The following KCNQ1 variants were observed in gnomAD, a reference collection of about 807,000 sequenced individuals.
KCNQ1 encodes the protein potassium voltage-gated channel subfamily KQT member 1.
Under a neutral mutation model 72.4 loss-of-function variants are expected in KCNQ1, and 49 were observed. That is an observed-to-expected ratio of 0.68 (90% confidence interval 0.54 to 0.86). The LOEUF is 0.86. KCNQ1 is among the 40% of genes least tolerant of loss of function. KCNQ1 has a pLI of 0.00. For missense variants in KCNQ1, 790 were observed against 945.1 expected (o/e 0.84, Z 2.15); for synonymous variants, 450 against 412.6 (o/e 1.09, Z -1.10).
chr11:2,807,773 G>A (rs561058145), intron 15 of KCNQ1, among the ~76,000 whole-genome samples: 14 of 146,996 alleles, frequency 9.5e-5, no homozygotes, highest in South Asian at 2.2e-4. Flanking sequence ...GGCCTCTTCC[G>A]ACCTCTCTCT....
rs1239990597 is a variant in KCNQ1, at chr11:2,468,384, C to G, written c.386+22900C>G. Reference sequence around the variant, plus strand: ...CTAGTCTCAAGCTCCTGAGCTCAAGCGATCTGCCTGCCTCAGCCTCCCAAA... The same window carrying G: ...CTAGTCTCAAGCTCCTGAGCTCAAGGGATCTGCCTGCCTCAGCCTCCCAAA... On this transcript the variant is annotated intron_variant, in intron 1 of 15. Coordinates refer to ENST00000155840, the MANE Select transcript of KCNQ1 (RefSeq NM_000218.3). This position sits in a 1 kb window ranked among gnomAD's most constrained non-coding sequence, Gnocchi z 5.7. Among the ~76,000 whole-genome samples, 1 of 152,160 alleles carries G rather than the reference C, an allele frequency of 6.6e-6. No individual in the cohort carries two copies. Among genetic ancestry groups the G allele is most frequent in the Non-Finnish European group, 1.5e-5 (1 of 68,020 alleles).
intron 10 of KCNQ1, chr11:2,655,270 C>T: frequency 2.5e-6 from 1 of 398,580 alleles, no homozygotes; most frequent in Non-Finnish European, 4.4e-6. Context: ...TCCTAGAAAA[C>T]AAAATTGTTT....
chr11:2,736,186 G>A (rs1253763681), intron 11 of KCNQ1, among the ~76,000 whole-genome samples: 3 of 152,182 alleles, frequency 2.0e-5, no homozygotes, highest in Non-Finnish European at 4.4e-5. Context: ...TTTACCCTGT[G>A]CTCCCAAATC....
rs1456989889 is a variant in KCNQ1 at position 2,847,897 on chromosome 11, G to T, written c.1925G>T (p.Cys642Phe). The T allele has an allele frequency of 6.3e-6, 10 of 1,579,518 alleles. No individual in the cohort carries two copies. Among genetic ancestry groups the T allele is most frequent in the Non-Finnish European group, 8.6e-6 (10 of 1,162,964 alleles). Residue 642 changes from cysteine (C) to phenylalanine (F), a missense_variant, in exon 16 of 16, where the codon TGC becomes TTC. Physicochemically the swap from Cys to Phe is radical, Grantham distance 205 (BLOSUM62 -2). This residue lies in a region of KCNQ1 where 94 missense variants were observed against 85.2 expected (regional missense o/e 1.10). Transcript: ENST00000155840. ...REGGAHITQP[C>F]GSGGSVDPEL... ...GGCGGGGCCCACATCACCCAGCCCT[G>T]CGGCAGTGGCGGCTCCGTCGACCCT...
chr11:2,656,251 A>G (rs1383179656), intron 10 of KCNQ1: 3 of 398,542 alleles, frequency 7.5e-6, no homozygotes, highest in Non-Finnish European at 1.3e-5. Flanking sequence ...TGCATTATAT[A>G]ACCTAGGGTA....
rs1221603686 is a variant in KCNQ1, at chr11:2,457,818, A to G, written c.386+12334A>G. On this transcript the variant is annotated intron_variant, in intron 1 of 15. Coordinates refer to ENST00000155840, the MANE Select transcript of KCNQ1 (RefSeq NM_000218.3). The surrounding 1 kb of genome is among the most constrained non-coding windows in gnomAD (Gnocchi z 5.0). ...ATGGAAACTTTTGGCATGGGAGAAAAAAAAAAAAAACAGATGTAAGTTAGA... is the reference window on the plus strand; with the variant it reads ...ATGGAAACTTTTGGCATGGGAGAAAGAAAAAAAAAACAGATGTAAGTTAGA... Among the ~76,000 whole-genome samples, 3 of 152,060 alleles carry G rather than the reference A, an allele frequency of 2.0e-5. No homozygotes were observed. The highest frequency in any genetic ancestry group is 7.2e-5 in the African/African-American group (3 of 41,394).
At chr11:2,530,129 G>A (rs1405120302) in intron 2 of KCNQ1, among the ~76,000 whole-genome samples, 1 of 152,122 alleles carries the variant, frequency 6.6e-6, no homozygotes, top group Non-Finnish European at 1.5e-5. Flanking sequence ...GTTGGGGTGA[G>A]GCCGTCCTTC....
At chr11:2,587,207 C>G (rs1438795855) in intron 8 of KCNQ1, among the ~76,000 whole-genome samples, 1 of 152,218 alleles carries the variant, frequency 6.6e-6, no homozygotes, top group Non-Finnish European at 1.5e-5. Context: ...GCATTGGTCT[C>G]CTATGCACGC....
intron 11 of KCNQ1, among the ~76,000 whole-genome samples, chr11:2,714,655 G>A (rs1450735054): frequency 6.6e-6 from 1 of 152,144 alleles, no homozygotes; most frequent in Non-Finnish European, 1.5e-5. Context: ...CCAGGTGGCG[G>A]ACATAGCACC....
rs1849272198 is a variant in KCNQ1, at chr11:2,626,995, T to A, written c.1394-34966T>A. On this transcript the variant is annotated intron_variant, in intron 10 of 15. Coordinates refer to ENST00000155840, the MANE Select transcript of KCNQ1 (RefSeq NM_000218.3). The surrounding 1 kb of genome is among the most constrained non-coding windows in gnomAD (Gnocchi z 4.0). ...GATTTTTATTGGGATTACCTTGGAT[T>A]TGTAGATTGTTTTGTGTGGTACTGA... 1 of 398,590 alleles carries A rather than the reference T, an allele frequency of 2.5e-6. No homozygotes were observed. The highest frequency in any genetic ancestry group is 3.6e-5 in the East Asian group (1 of 28,072). 24.7% of individuals were successfully genotyped at this position (398,590 alleles called of 1,614,324 possible).
In KCNQ1 at chr11:2,619,055, A is replaced by T. The variant is rs116484854; in HGVS notation, c.1393+30201A>T. 3.1e-3 allele frequency: 1,248 copies of T among 398,464 alleles called. 18 individuals are homozygous for T. Among genetic ancestry groups the T allele is most frequent in the African/African-American group, 0.023 (1,113 of 48,732 alleles). The allele number at this position is 398,464 out of a possible 1,614,324, so 24.7% of individuals were successfully genotyped here. A position where few individuals can be genotyped will look rare whatever the true frequency, so the allele number is the denominator to read the frequency against. On this transcript the variant is annotated intron_variant, in intron 10 of 15. Transcript: ENST00000155840. Reference sequence around the variant, plus strand: ...TACAACTTTACTGAACTCATTTATTAGTTCTAACAGGTTGCTTTGTCAGAG... The same window carrying T: ...TACAACTTTACTGAACTCATTTATTTGTTCTAACAGGTTGCTTTGTCAGAG...
chr11:2,582,735 C>T (rs1165927826), intron 6 of KCNQ1, among the ~76,000 whole-genome samples: 1 of 152,210 alleles, frequency 6.6e-6, no homozygotes, highest in Non-Finnish European at 1.5e-5. Context: ...CTGAAGAACC[C>T]AGCAGGCAGC....
chr11:2,628,896 G>C (rs1446111446), intron 10 of KCNQ1: 2 of 397,948 alleles, frequency 5.0e-6, no homozygotes, highest in Admixed American at 4.4e-5. Context: ...GTGTACTCTT[G>C]GTGTCTTTGT....
chr11:2,738,096 G>C (rs1845988962), intron 11 of KCNQ1, among the ~76,000 whole-genome samples: 1 of 152,160 alleles, frequency 6.6e-6, no homozygotes. Flanking sequence ...TGGGCCTGTG[G>C]TCAGGGCAGG....
At chr11:2,597,947 C>G (rs1451032157) in intron 10 of KCNQ1, among the ~76,000 whole-genome samples, 1 of 151,912 alleles carries the variant, frequency 6.6e-6, no homozygotes, top group African/African-American at 2.4e-5. Context: ...TATGCCTGAA[C>G]TTTTGTGGTT....
rs1250366433 is a variant in KCNQ1, at chr11:2,652,701, CTT to C, written c.1394-9258_1394-9257del. ...GTTGTGTGGGTGGCTGTGTTGCTCT[CTT>C]TCCGTTTCCTGGGCTCACTCACGCT... is the stretch of plus-strand genomic sequence containing the variant. On this transcript the variant is annotated intron_variant, in intron 10 of 15. Coordinates refer to ENST00000155840, the MANE Select transcript of KCNQ1 (RefSeq NM_000218.3). This position sits in a 1 kb window ranked among gnomAD's most constrained non-coding sequence, Gnocchi z 5.9. 4 of 398,806 alleles carry C rather than the reference CTT, an allele frequency of 1.0e-5. No individual in the cohort carries two copies. The highest frequency in any genetic ancestry group is 6.2e-5 in the African/African-American group (3 of 48,652). 24.7% of individuals were successfully genotyped at this position (398,806 alleles called of 1,614,324 possible).
chr11:2,616,960 T>G lies in KCNQ1; in HGVS notation c.1393+28106T>G, dbSNP rs1020602324. On this transcript the variant is annotated intron_variant, in intron 10 of 15. Coordinates refer to ENST00000155840, the MANE Select transcript of KCNQ1 (RefSeq NM_000218.3). ...TCTGTCTGGCTGTACATTATCTTGT[T>G]GTGTTTTTTTTTTTTAATTTTAAAA... The G allele has an allele frequency of 1.7e-4, 60 of 350,410 alleles. 1 individual carries two copies. The highest frequency in any genetic ancestry group is 1.0e-3 in the African/African-American group (37 of 36,812). The allele number at this position is 350,410 out of a possible 1,614,324, so 21.7% of individuals were successfully genotyped here.
Position 2,678,705 on chromosome 11 carries a change from A to C in KCNQ1, c.1514+16624A>C. 2.5e-6 allele frequency: 1 copy of C among 398,620 alleles called. No homozygotes were observed. Among genetic ancestry groups the C allele is most frequent in the Non-Finnish European group, 4.4e-6 (1 of 226,050 alleles). The allele number at this position is 398,620 out of a possible 1,614,324, so 24.7% of individuals were successfully genotyped here. A position where few individuals can be genotyped will look rare whatever the true frequency, so the allele number is the denominator to read the frequency against. On this transcript the variant is annotated intron_variant, in intron 11 of 15. Coordinates refer to ENST00000155840, the MANE Select transcript of KCNQ1 (RefSeq NM_000218.3). The surrounding 1 kb of genome is among the most constrained non-coding windows in gnomAD (Gnocchi z 4.9). ...CATGGCCTAAGATCTAAACACTCTTAAGATTTAAACACAGGATTAGCTCTT... is the reference window on the plus strand; with the variant it reads ...CATGGCCTAAGATCTAAACACTCTTCAGATTTAAACACAGGATTAGCTCTT...
chr11:2,578,883 C>T (rs1003562645), intron 6 of KCNQ1, among the ~76,000 whole-genome samples: 2 of 152,240 alleles, frequency 1.3e-5, no homozygotes, highest in African/African-American at 4.8e-5. Flanking sequence ...GTCCAGCTGT[C>T]TGCCTGGCCA....
Sources: gnomAD v4.1 joint callset for allele counts (sites outside exome capture counted in the v4.1 genomes callset) on GRCh38, gnomAD v4.1.1 for gene constraint, gnomAD v4.1.1 regional missense constraint, Gnocchi (gnomAD v3.1) non-coding constraint, MANE v1.5 for transcripts, NCBI Gene and HGNC (gene_info 2026-07-23, HGNC 2026-07-21) for gene names.